Variants in ERCC6L2 observed in about 807,000 individuals in gnomAD.
ERCC6L2 encodes the protein ERCC excision repair 6 like 2.
A neutral mutation model predicts 132.0 loss-of-function variants in ERCC6L2; 77 were observed. That is an observed-to-expected ratio of 0.58 (90% CI 0.49 to 0.71). The LOEUF is 0.71. ERCC6L2 is among the 30% of genes least tolerant of loss of function. The pLI, the probability that ERCC6L2 is intolerant of heterozygous loss-of-function variation, is 0.00. For synonymous variants in ERCC6L2, 583 were observed against 632.4 expected (o/e 0.92, Z 1.17); for missense variants, 1,542 against 1,837.6 (o/e 0.84, Z 2.94).
At chr9:95,977,747 T>A (rs73536533) in intron 16 of ERCC6L2, among the ~76,000 whole-genome samples, 2,537 of 151,898 alleles carry the variant, frequency 0.017, 76 homozygotes, top group African/African-American at 0.059. Context: ...TTTTTTTTTT[T>A]AATTAACAAT....
chr9:95,974,540 T>C (rs971589104), intron 16 of ERCC6L2, among the ~76,000 whole-genome samples: 2 of 152,180 alleles, frequency 1.3e-5, no homozygotes, highest in African/African-American at 4.8e-5. Context: ...AGTCTAGTCT[T>C]ACAAGAGGTT....
intron 17 of ERCC6L2, among the ~76,000 whole-genome samples, chr9:95,990,108 C>A (rs1833239113): frequency 1.3e-5 from 2 of 152,212 alleles, no homozygotes; most frequent in Admixed American, 6.5e-5. Flanking sequence ...CCTGAACAGA[C>A]TGAGATGTTA....
chr9:95,961,677 T>C (rs1423343798), intron 13 of ERCC6L2, among the ~76,000 whole-genome samples: 5 of 152,066 alleles, frequency 3.3e-5, no homozygotes, highest in Admixed American at 3.3e-4. Context: ...TTGCCATATA[T>C]GTAATAAAAG....
At chr9:95,958,571 C>T (rs1432289332) in intron 13 of ERCC6L2, among the ~76,000 whole-genome samples, 1 of 152,158 alleles carries the variant, frequency 6.6e-6, no homozygotes, top group Non-Finnish European at 1.5e-5. Context: ...GATGGTATCT[C>T]ATTGTGGTTT....
At position 95,880,893 on chromosome 9, in the gene ERCC6L2, G is replaced by GTCT. The variant is rs769965026; in HGVS notation, c.73_75dup (p.Leu25dup). On this transcript the variant is annotated inframe_insertion, in exon 2 of 19. Coordinates refer to ENST00000653738, the MANE Select transcript of ERCC6L2 (RefSeq NM_020207.7). Reference sequence around the variant, plus strand: ...GACATATGGCATCCAGGAGAAAGATGTCTTGCCCCTTCTCCAGATAATGGA... The same window carrying GTCT: ...GACATATGGCATCCAGGAGAAAGATGTCTTCTTGCCCCTTCTCCAGATAATGGA... The GTCT allele has an allele frequency of 6.2e-7, 1 of 1,611,998 alleles. No individual in the cohort carries two copies. Among genetic ancestry groups the GTCT allele is most frequent in the South Asian group, 1.1e-5 (1 of 90,796 alleles).
intron 4 of ERCC6L2, among the ~76,000 whole-genome samples, chr9:95,912,483 G>A (rs80048107): frequency 6.6e-6 from 1 of 152,206 alleles, no homozygotes; most frequent in East Asian, 1.9e-4. Context: ...TACGGTGGTG[G>A]TAATGAGTCA....
intron 2 of ERCC6L2, among the ~76,000 whole-genome samples, chr9:95,891,017 A>G (rs906916887): frequency 6.6e-6 from 1 of 152,218 alleles, no homozygotes; most frequent in Non-Finnish European, 1.5e-5. Context: ...GTTCAAGACC[A>G]GACTGACCAA....
chr9:96,013,038 G>T lies in ERCC6L2; in HGVS notation c.4488G>T (p.Leu1496Phe), dbSNP rs746586872. Residue 1496 changes from leucine (L) to phenylalanine (F), a missense_variant, in exon 19 of 19, where the codon TTG (leucine) becomes TTT (phenylalanine). Leu to Phe is a conservative substitution (Grantham distance 22, BLOSUM62 0). Transcript: ENST00000653738. ...NDESLSKLTD[L>F]AVIETLCEKA... is the part of the protein sequence containing the mutation. ...AGAGTCTTAGTAAACTCACAGACTT[G>T]GCAGTAATAGAGACTCTGTGTGAAA... 1 of 1,367,554 alleles carries T rather than the reference G, an allele frequency of 7.3e-7. No individual in the cohort carries two copies. Among genetic ancestry groups the T allele is most frequent in the African/African-American group, 1.5e-5 (1 of 67,836 alleles). 84.7% of individuals were successfully genotyped at this position (1,367,554 alleles called of 1,614,324 possible).
chr9:95,911,462 TAAG>T (rs1829336474), intron 4 of ERCC6L2, among the ~76,000 whole-genome samples: 1 of 152,082 alleles, frequency 6.6e-6, no homozygotes, highest in Admixed American at 6.6e-5. Flanking sequence ...AAATATTAAA[TAAG>T]AATTCTGAAG....
Position 95,978,176 on chromosome 9 carries a change from T to C in ERCC6L2, c.3453T>C (p.Phe1151=), listed in dbSNP as rs1352991343. 1 of 1,366,766 alleles carries C rather than the reference T, an allele frequency of 7.3e-7. No homozygotes were observed. The highest frequency in any genetic ancestry group is 4.6e-5 in the East Asian group (1 of 21,958). The allele number at this position is 1,366,766 out of a possible 1,614,324, so 84.7% of individuals were successfully genotyped here. A position where few individuals can be genotyped will look rare whatever the true frequency, so the allele number is the denominator to read the frequency against. ...AAHDVFELKQ[F]SQLPANIAVC... is the part of the protein sequence containing the mutation. Reference sequence around the variant, plus strand: ...ATGACGTATTTGAGTTGAAGCAGTTTTCTCAGCTGCCTGCTAACATAGCTG... The same window carrying C: ...ATGACGTATTTGAGTTGAAGCAGTTCTCTCAGCTGCCTGCTAACATAGCTG... The change falls in exon 17 of 19, where the codon TTT becomes TTC. Residue 1151 remains phenylalanine (F), a synonymous_variant. Transcript: ENST00000653738.
chr9:95,928,019 AT>A lies in ERCC6L2; in HGVS notation c.1534-59del. On this transcript the variant is annotated intron_variant, in intron 9 of 18. Transcript: ENST00000653738. Reference sequence around the variant, plus strand: ...AAAGAAATTCTCAAGTGATGTTTATATGTATAAAGTGTACTTTTAGTTGGAA... The same window carrying A: ...AAAGAAATTCTCAAGTGATGTTTATAGTATAAAGTGTACTTTTAGTTGGAA... 9.4e-6 allele frequency: 10 copies of A among 1,062,294 alleles called. No homozygotes were observed. In the South Asian group the frequency reaches 1.3e-4, roughly 14 times the overall value. 65.8% of individuals were successfully genotyped at this position (1,062,294 alleles called of 1,614,324 possible). A position where few individuals can be genotyped will look rare whatever the true frequency, so the allele number is the denominator to read the frequency against.
intron 2 of ERCC6L2, among the ~76,000 whole-genome samples, chr9:95,885,081 AACT>A (rs1256254186): frequency 6.6e-6 from 1 of 152,234 alleles, no homozygotes; most frequent in Non-Finnish European, 1.5e-5. Context: ...GTCACATAAT[AACT>A]ACTATCTTAT....
chr9:96,005,098 G>T (rs1833822507), intron 18 of ERCC6L2, among the ~76,000 whole-genome samples: 1 of 152,160 alleles, frequency 6.6e-6, no homozygotes, highest in Non-Finnish European at 1.5e-5. Context: ...TGGATCACGA[G>T]GTCAGGAGAT....
intron 19 of ERCC6L2, among the ~76,000 whole-genome samples, chr9:96,031,704 G>GT (rs1373913053): frequency 6.6e-6 from 1 of 152,230 alleles, no homozygotes; most frequent in Non-Finnish European, 1.5e-5. Flanking sequence ...CAAATAAAGA[G>GT]TAAGTGGGCA....
intron 11 of ERCC6L2, among the ~76,000 whole-genome samples, chr9:95,940,544 T>C (rs908309084): frequency 6.6e-6 from 1 of 152,166 alleles, no homozygotes; most frequent in Non-Finnish European, 1.5e-5. Flanking sequence ...TTTATTTTGT[T>C]GTCCTCCTGA....
intron 11 of ERCC6L2, among the ~76,000 whole-genome samples, chr9:95,939,455 A>C (rs889469503): frequency 6.6e-6 from 1 of 151,996 alleles, no homozygotes; most frequent in African/African-American, 2.4e-5. Context: ...TTCTTTCAGC[A>C]CTTGAAAGAT....
intron 11 of ERCC6L2, among the ~76,000 whole-genome samples, chr9:95,929,779 C>A (rs945224605): frequency 1.3e-5 from 2 of 152,096 alleles, no homozygotes; most frequent in African/African-American, 4.8e-5. Context: ...ACATAGAATA[C>A]TGTGGTCAAT....
chr9:95,893,653 C>A (rs1014237450), intron 2 of ERCC6L2, among the ~76,000 whole-genome samples: 1 of 151,954 alleles, frequency 6.6e-6, no homozygotes, highest in Non-Finnish European at 1.5e-5. Flanking sequence ...ATTTAAATTT[C>A]CTTTTCTTGT....
chr9:95,920,027 C>T (rs1173164312), intron 6 of ERCC6L2, among the ~76,000 whole-genome samples: 1 of 152,224 alleles, frequency 6.6e-6, no homozygotes, highest in Non-Finnish European at 1.5e-5. Flanking sequence ...CTGCTTTTGA[C>T]TTCTTTTATG....
Sources: gnomAD v4.1 joint callset for allele counts (sites outside exome capture counted in the v4.1 genomes callset) on GRCh38, gnomAD v4.1.1 for gene constraint, MANE v1.5 for transcripts, NCBI Gene and HGNC (gene_info 2026-07-23, HGNC 2026-07-21) for gene names.